F9: variants seen among roughly 807,000 people sequenced by gnomAD.
F9 encodes the protein coagulation factor IX.
A neutral mutation model predicts 34.1 loss-of-function variants in F9; 2 were observed. That is an observed-to-expected ratio of 0.06 (90% CI 0.02 to 0.18). The LOEUF (loss-of-function observed/expected upper bound fraction) is 0.18. Among genes scored for constraint, F9 ranks in the 10% least tolerant of loss-of-function variants. The pLI, the probability that F9 is intolerant of heterozygous loss-of-function variation, is 1.00. For synonymous variants in F9, 137 were observed against 118.8 expected, an observed-to-expected ratio of 1.15 and a Z score of -1.00; for missense variants, 216 against 345.1, an observed-to-expected ratio of 0.63 and a Z score of 2.96.
At chrX:139,531,279 C>T (rs1370203346) in intron 1 of F9, among the ~76,000 whole-genome samples, 4 of 112,008 alleles carry the variant, frequency 3.6e-5, no homozygotes, top group Non-Finnish European at 7.5e-5. Flanking sequence ...GCCTTATTTA[C>T]ACAAAAAGTC....
chrX:139,550,984 C>T, intron 5 of F9, 78 bp from the exon 6 acceptor site: 4 of 925,556 alleles, frequency 4.3e-6, no homozygotes, highest in Non-Finnish European at 6.2e-6. Flanking sequence ...GGATGGGCCT[C>T]AATCTCAATT....
Position 139,551,099 on chromosome X carries a change from T to G in F9, c.558T>G (p.Thr186=). 1 of 1,211,868 alleles carries G rather than the reference T, an allele frequency of 8.3e-7. No homozygotes were observed. The highest frequency in any genetic ancestry group is 1.1e-6 in the Non-Finnish European group (1 of 895,419). ...FPCGRVSVSQ[T]SKLTRAETVF... ...GTGGAAGAGTTTCTGTTTCACAAAC[T>G]TCTAAGCTCACCCGTGCTGAGACTG... Residue 186 remains threonine (T), a synonymous_variant, in exon 6 of 8, where the codon ACT becomes ACG. Transcript: ENST00000218099.
chrX:139,538,118 A>G (rs1199138117), intron 3 of F9, among the ~76,000 whole-genome samples: 4 of 111,886 alleles, frequency 3.6e-5, no homozygotes, highest in Admixed American at 1.9e-4. Flanking sequence ...CATCTAATGT[A>G]TCATATAATT....
In F9 at chrX:139,551,052, AT is replaced by A. The variant is rs1320990506; in HGVS notation, c.521-5del. The A allele has an allele frequency of 1.7e-6, 2 of 1,205,042 alleles. No individual in the cohort carries two copies. Among genetic ancestry groups the A allele is most frequent in the Non-Finnish European group, 2.2e-6 (2 of 890,109 alleles). On this transcript the variant is annotated splice_polypyrimidine_tract_variant and intron_variant, in intron 5 of 7. Transcript: ENST00000218099. ...ATATCAGGTTACTAATTTTTCTTCT[AT>A]TTTTCTAGTGCCATTTCCATGTGGA...
rs2148367722 is a variant in F9, at chrX:139,561,630, C to T, written c.945C>T (p.Asp315=). ...YNAAINKYNH[D]IALLELDEPL... The stretch of plus-strand genomic sequence containing the variant: ...CAGCTATTAATAAGTACAACCATGA[C>T]ATTGCCCTTCTGGAACTGGACGAAC... Residue 315 remains aspartate, a synonymous_variant, in exon 8 of 8, where the codon GAC becomes GAT. Transcript: ENST00000218099. 2.5e-6 allele frequency: 3 copies of T among 1,211,283 alleles called. No homozygotes were observed. The highest frequency in any genetic ancestry group is 3.4e-6 in the Non-Finnish European group (3 of 895,028).
intron 3 of F9, among the ~76,000 whole-genome samples, chrX:139,538,759 T>C (rs371545142): frequency 9.0e-5 from 10 of 110,575 alleles, no homozygotes; most frequent in African/African-American, 3.3e-4. Flanking sequence ...CCATGCCGAT[T>C]TTCCCCACCA....
intron 6 of F9, among the ~76,000 whole-genome samples, chrX:139,560,343 C>G (rs1421359612): frequency 3.6e-5 from 4 of 111,944 alleles, no homozygotes; most frequent in African/African-American, 1.3e-4. Flanking sequence ...GTACAGGGAA[C>G]ACCCTAATAA....
chrX:139,555,438 C>G (rs1278760853), intron 6 of F9, among the ~76,000 whole-genome samples: 3 of 113,035 alleles, frequency 2.7e-5, no homozygotes, highest in African/African-American at 6.4e-5. Context: ...GCCTTGTTCG[C>G]GATGGTAGCT....
intron 4 of F9, chrX:139,547,574 C>G (rs1800858564): frequency 2.7e-5 from 3 of 111,044 alleles, no homozygotes; most frequent in Non-Finnish European, 5.7e-5. Flanking sequence ...AGTAATTACA[C>G]TCATAATTAT....
chrX:139,555,960 A>C (rs1927958187), intron 6 of F9, among the ~76,000 whole-genome samples: 1 of 111,539 alleles, frequency 9.0e-6, no homozygotes, highest in Non-Finnish European at 1.9e-5. Flanking sequence ...TAAAGCTTTA[A>C]TTTGGTTTGG....
At chrX:139,555,349 C>T (rs1175103767) in intron 6 of F9, among the ~76,000 whole-genome samples, 2 of 112,361 alleles carry the variant, frequency 1.8e-5, no homozygotes, top group African/African-American at 3.2e-5. Context: ...ATCCCGTCTG[C>T]GGTCACGCTC....
chrX:139,536,275 G>T (rs776990356), intron 1 of F9, among the ~76,000 whole-genome samples: 1 of 98,549 alleles, frequency 1.0e-5, no homozygotes. Context: ...ATATATATAT[G>T]TACACACACA....
chrX:139,558,290 A>G (rs4149734), intron 6 of F9, among the ~76,000 whole-genome samples: 1 of 113,661 alleles, frequency 8.8e-6, no homozygotes, highest in African/African-American at 3.2e-5. Flanking sequence ...ACATCCTGGC[A>G]TGAAAGTTGC....
intron 1 of F9, among the ~76,000 whole-genome samples, chrX:139,531,337 G>A (rs1305417912): frequency 8.9e-6 from 1 of 111,934 alleles, no homozygotes; most frequent in Non-Finnish European, 1.9e-5. Context: ...TATGTAATGA[G>A]GTGTGTCTCT....
chrX:139,552,249 C>T (rs763441421), intron 6 of F9, among the ~76,000 whole-genome samples: 6 of 111,895 alleles, frequency 5.4e-5, no homozygotes, highest in African/African-American at 1.9e-4. Context: ...TTACAGAAGC[C>T]GGGGTTCAAA....
Position 139,549,022 on chromosome X carries a change from T to C in F9, c.520+531T>C, listed in dbSNP as rs959020308. ...CTGCTAGGCTGATCAGCACAATCTATATGGCTGTGAACAAAACAATGTTTC... is the reference window on the plus strand; with the variant it reads ...CTGCTAGGCTGATCAGCACAATCTACATGGCTGTGAACAAAACAATGTTTC... On this transcript the variant is annotated intron_variant, in intron 5 of 7. Coordinates refer to ENST00000218099, the MANE Select transcript of F9 (RefSeq NM_000133.4). 1.4e-4 allele frequency among the ~76,000 whole-genome samples: 16 copies of C among 111,454 alleles called. No homozygotes were observed. In the Admixed American group the frequency reaches 1.5e-3, roughly 11 times the overall value.
At chrX:139,536,643 GC>G (rs1927482830) in intron 1 of F9, among the ~76,000 whole-genome samples, 1 of 111,806 alleles carries the variant, frequency 8.9e-6, no homozygotes, top group African/African-American at 3.3e-5. Flanking sequence ...TCTGAAAACA[GC>G]CCAGCCAGGG....
chrX:139,551,718 TGAGA>T (rs1055185019), intron 6 of F9, among the ~76,000 whole-genome samples: 10 of 111,173 alleles, frequency 9.0e-5, no homozygotes, highest in African/African-American at 2.0e-4. Flanking sequence ...AAACAGGGCA[TGAGA>T]GAGAGTCTTG....
At chrX:139,551,005 A>G (rs924997267) in intron 5 of F9, 57 bp from the exon 6 acceptor site, 1 of 1,066,398 alleles carries the variant, frequency 9.4e-7, no homozygotes, top group African/African-American at 1.8e-5. Context: ...TTTGTAATAC[A>G]TGTTCCATTT....
Sources: allele counts gnomAD v4.1 joint callset (sites outside exome capture counted in the v4.1 genomes callset), GRCh38; gene constraint gnomAD v4.1.1; transcripts MANE v1.5; gene names NCBI Gene and HGNC (gene_info 2026-07-23, HGNC 2026-07-21).